Variants in GHR observed in about 807,000 individuals in gnomAD.
The protein encoded by GHR is growth hormone receptor, also known as GH receptor.
GHR carries 35 observed loss-of-function variants against 67.1 expected under a neutral mutation model. The observed-to-expected ratio is 0.52, with a 90% CI of 0.40 to 0.69. GHR has a LOEUF of 0.69. Among genes scored for constraint, GHR ranks in the 30% least tolerant of loss-of-function variants. The pLI, the probability that GHR is intolerant of heterozygous loss-of-function variation, is 0.00. For synonymous variants in GHR, 272 were observed against 269.1 expected (o/e 1.01, Z -0.10); for missense variants, 792 against 764.6 (o/e 1.04, Z -0.42).
At chr5:42,687,461 T>G (rs984661359) in intron 3 of GHR, among the ~76,000 whole-genome samples, 3 of 152,228 alleles carry the variant, frequency 2.0e-5, no homozygotes. Flanking sequence ...TTTGCTAGAA[T>G]GGAAACTAGA....
intron 1 of GHR, among the ~76,000 whole-genome samples, chr5:42,455,088 T>G (rs1329976680): frequency 6.6e-6 from 1 of 152,158 alleles, no homozygotes; most frequent in Non-Finnish European, 1.5e-5. Context: ...CTTCTACTTT[T>G]GTGTTTCACG....
At chr5:42,527,473 A>T (rs945937492) in intron 1 of GHR, among the ~76,000 whole-genome samples, 3 of 152,248 alleles carry the variant, frequency 2.0e-5, no homozygotes, top group Non-Finnish European at 4.4e-5. Flanking sequence ...GAAGGGCATT[A>T]CATAATGGTA....
chr5:42,653,883 T>C (rs1321900376), intron 3 of GHR, among the ~76,000 whole-genome samples: 1 of 152,190 alleles, frequency 6.6e-6, no homozygotes, highest in Admixed American at 6.6e-5. Context: ...TTCCTGTTGG[T>C]TGACCTACAA....
intron 3 of GHR, among the ~76,000 whole-genome samples, chr5:42,681,181 A>G (rs1193252891): frequency 2.0e-5 from 3 of 152,166 alleles, no homozygotes; most frequent in Admixed American, 2.0e-4. Context: ...GGCAACCTAC[A>G]GAATGGGAGA....
At chr5:42,586,888 G>T (rs139527332) in intron 2 of GHR, among the ~76,000 whole-genome samples, 1 of 152,174 alleles carries the variant, frequency 6.6e-6, no homozygotes, top group Admixed American at 6.5e-5. Context: ...AGATAAATTT[G>T]TTGGAGAAAT....
chr5:42,468,159 G>C (rs1263453915), intron 1 of GHR: 1 of 1,315,694 alleles, frequency 7.6e-7, no homozygotes, highest in Admixed American at 1.7e-5. Context: ...ATCCATCAAG[G>C]CCTGTCTGAC....
chr5:42,651,839 G>T (rs1189503673), intron 3 of GHR, among the ~76,000 whole-genome samples: 1 of 151,660 alleles, frequency 6.6e-6, no homozygotes, highest in African/African-American at 2.4e-5. Context: ...TAAACTCTTG[G>T]CTTTAAAAAA....
chr5:42,460,710 G>A (rs528621219), intron 1 of GHR, among the ~76,000 whole-genome samples: 1 of 152,272 alleles, frequency 6.6e-6, no homozygotes, highest in Admixed American at 6.5e-5. Flanking sequence ...CAAAAAAAGA[G>A]TGTTTCCTAA....
rs1742741745 is a variant in GHR at position 42,424,222 on chromosome 5, G to GTGTGTGTGTGTGTGTGTGTGTGTGTGT, written c.-12+267_-12+268insTGTGTGTGTGTGTGTGTGTGTGTGTGT. On this transcript the variant is annotated intron_variant, in intron 1 of 9. Coordinates refer to ENST00000230882, the MANE Select transcript of GHR (RefSeq NM_000163.5). This position sits in a 1 kb window ranked among gnomAD's most constrained non-coding sequence, Gnocchi z 4.1. ...TGTGTGTGTGTGTGTGTGTGTGTCT[G>GTGTGTGTGTGTGTGTGTGTGTGTGTGT]GAAGTTGGTGAGGGCGGCAGGGAGT... Among the ~76,000 whole-genome samples the GTGTGTGTGTGTGTGTGTGTGTGTGTGT allele has an allele frequency of 6.7e-6, 1 of 148,698 alleles. No homozygotes were observed. The highest frequency in any genetic ancestry group is 2.5e-5 in the African/African-American group (1 of 40,210).
intron 2 of GHR, among the ~76,000 whole-genome samples, chr5:42,577,661 T>C (rs920511957): frequency 7.9e-5 from 12 of 152,204 alleles, no homozygotes; most frequent in African/African-American, 2.2e-4. Flanking sequence ...TCCTAGGAAC[T>C]TTAATATTAA....
At chr5:42,661,030 A>G (rs1026924584) in intron 3 of GHR, among the ~76,000 whole-genome samples, 1 of 152,210 alleles carries the variant, frequency 6.6e-6, no homozygotes, top group African/African-American at 2.4e-5. Flanking sequence ...GAAATGAATG[A>G]AATGAAGTGA....
intron 1 of GHR, among the ~76,000 whole-genome samples, chr5:42,522,192 T>C (rs1011746558): frequency 3.3e-5 from 5 of 152,184 alleles, no homozygotes; most frequent in East Asian, 1.9e-4. Flanking sequence ...CATTTGTTGA[T>C]TGAGCCACTT....
intron 1 of GHR, among the ~76,000 whole-genome samples, chr5:42,543,310 G>A (rs1164295110): frequency 1.3e-5 from 2 of 151,968 alleles, no homozygotes; most frequent in Admixed American, 1.3e-4. Context: ...GTTTGTTTTT[G>A]GGATTTTTTT....
intron 8 of GHR, chr5:42,715,222 C>A: frequency 4.0e-6 from 1 of 249,540 alleles, no homozygotes. Flanking sequence ...TTTTTATTTG[C>A]CCATTAAAAA....
At chr5:42,641,821 A>C (rs1754490467) in intron 3 of GHR, among the ~76,000 whole-genome samples, 1 of 152,206 alleles carries the variant, frequency 6.6e-6, no homozygotes, top group African/African-American at 2.4e-5. Flanking sequence ...GAAGCTGACA[A>C]ACCAGAAAAC....
In GHR at chr5:42,708,876, G is replaced by C. The variant is rs533185280; in HGVS notation, c.619-2331G>C. Among the ~76,000 whole-genome samples the C allele has an allele frequency of 1.3e-3, 204 of 152,230 alleles. 1 individual carries two copies. The highest frequency in any genetic ancestry group is 3.6e-3 in the Admixed American group (55 of 15,290). On this transcript the variant is annotated intron_variant, in intron 6 of 9. Transcript: ENST00000230882. ...GCTAAATCTCGTTAGGTAGACCAAA[G>C]GGGTCAGTTAACTTTTTCTTTATAC...
At chr5:42,561,544 A>G (rs528047230) in intron 1 of GHR, among the ~76,000 whole-genome samples, 49 of 152,308 alleles carry the variant, frequency 3.2e-4, no homozygotes, top group African/African-American at 8.4e-4. Context: ...ATAAGTTAGT[A>G]TATCATGGGC....
At chr5:42,623,020 A>C (rs1019000687) in intron 2 of GHR, among the ~76,000 whole-genome samples, 2 of 152,200 alleles carry the variant, frequency 1.3e-5, no homozygotes, top group African/African-American at 4.8e-5. Context: ...CACAATGTCA[A>C]GTTCTCCATA....
chr5:42,625,514 G>A (rs534474541), intron 2 of GHR, among the ~76,000 whole-genome samples: 1 of 152,174 alleles, frequency 6.6e-6, no homozygotes, highest in East Asian at 1.9e-4. Flanking sequence ...ATAGCCCTCA[G>A]GAGGTCCTGA....
Sources: allele counts gnomAD v4.1 joint callset (sites outside exome capture counted in the v4.1 genomes callset), GRCh38; gene constraint gnomAD v4.1.1; non-coding constraint Gnocchi (gnomAD v3.1); transcripts MANE v1.5; gene names NCBI Gene and HGNC (gene_info 2026-07-23, HGNC 2026-07-21).